Variants in BLTP3A observed in about 807,000 individuals in gnomAD.
BLTP3A encodes the protein bridge-like lipid transfer protein family member 3A, also known as ICBP90 binding protein 1.
At chr6:34,809,942 A>G in the BLTP3A span, among the ~76,000 whole-genome samples, 1 of 152,208 alleles carries the variant, frequency 6.6e-6, no homozygotes, top group Non-Finnish European at 1.5e-5. Context: ...TATATGTATT[A>G]TATATTGTAT....
chr6:34,859,399 G>A, the BLTP3A span: 1 of 1,614,164 alleles, frequency 6.2e-7, no homozygotes. Context: ...GAAGAACATT[G>A]AGGGAGAATT....
At chr6:34,871,902 A>T in the BLTP3A span, 12 of 1,614,204 alleles carry the variant, frequency 7.4e-6, no homozygotes, top group Non-Finnish European at 9.3e-6. Context: ...TTTGGTGCCC[A>T]CAGGAGAGGT....
the BLTP3A span, chr6:34,823,239 C>A: frequency 6.2e-7 from 1 of 1,605,436 alleles, no homozygotes; most frequent in Middle Eastern, 1.6e-4. Flanking sequence ...GCTTAGTTCT[C>A]CTTGACTTCT....
chr6:34,803,977 A>G, the BLTP3A span, among the ~76,000 whole-genome samples: 1 of 152,112 alleles, frequency 6.6e-6, no homozygotes, highest in Non-Finnish European at 1.5e-5. Context: ...GCAGTTGAGG[A>G]ACACATTTCA....
At chr6:34,807,973 G>A in the BLTP3A span, among the ~76,000 whole-genome samples, 1 of 152,132 alleles carries the variant, frequency 6.6e-6, no homozygotes, top group Non-Finnish European at 1.5e-5. Context: ...CCGGGAGGCA[G>A]TGGTTGCAGT....
the BLTP3A span, among the ~76,000 whole-genome samples, chr6:34,819,961 T>C: frequency 6.6e-6 from 1 of 152,236 alleles, no homozygotes; most frequent in Admixed American, 6.5e-5. Flanking sequence ...AATTAGCAAC[T>C]GGACCCAGTG....
the BLTP3A span, among the ~76,000 whole-genome samples, chr6:34,827,832 A>G: frequency 1.3e-5 from 2 of 152,038 alleles, no homozygotes; most frequent in African/African-American, 2.4e-5. Context: ...GGGTTTCACC[A>G]TGTTGCCCAG....
the BLTP3A span, among the ~76,000 whole-genome samples, chr6:34,839,086 A>C: frequency 6.6e-6 from 1 of 152,176 alleles, no homozygotes; most frequent in African/African-American, 2.4e-5. Context: ...CCCCGTCTCT[A>C]CTAAAAACAC....
At chr6:34,862,466 A>G in the BLTP3A span, among the ~76,000 whole-genome samples, 1 of 152,196 alleles carries the variant, frequency 6.6e-6, no homozygotes, top group Non-Finnish European at 1.5e-5. Flanking sequence ...TTGTTGATGC[A>G]TTTGCCAAAC....
the BLTP3A span, among the ~76,000 whole-genome samples, chr6:34,802,984 T>C: frequency 1.3e-5 from 2 of 152,010 alleles, no homozygotes; most frequent in African/African-American, 4.8e-5. Context: ...CAGGCCACCC[T>C]GGGCAACATG....
At chr6:34,818,059 C>T in the BLTP3A span, among the ~76,000 whole-genome samples, 306 of 152,152 alleles carry the variant, frequency 2.0e-3, 1 homozygote, top group African/African-American at 6.7e-3. Flanking sequence ...GGGGTTTCAC[C>T]GTGTTAGCCA....
the BLTP3A span, among the ~76,000 whole-genome samples, chr6:34,840,391 T>TA: frequency 0.28 from 35,173 of 123,436 alleles, 5,507 homozygotes; most frequent in African/African-American, 0.43. Context: ...CGTCTCTACT[T>TA]AAAAAAAAAA....
At chr6:34,855,181 A>G in the BLTP3A span, among the ~76,000 whole-genome samples, 30 of 152,332 alleles carry the variant, frequency 2.0e-4, no homozygotes, top group East Asian at 5.8e-3. Flanking sequence ...CTCTGAGGCC[A>G]GGATATGAAA....
At chr6:34,859,510 A>G in the BLTP3A span, 1 of 1,614,156 alleles carries the variant, frequency 6.2e-7, no homozygotes, top group East Asian at 2.2e-5. Context: ...GGATGCCTTC[A>G]GTTTGGGCAG....
chr6:34,869,387 C>T, the BLTP3A span, among the ~76,000 whole-genome samples: 1 of 152,124 alleles, frequency 6.6e-6, no homozygotes, highest in Non-Finnish European at 1.5e-5. Flanking sequence ...CTGTCCCTCA[C>T]CTGTCATAGG....
At chr6:34,822,948 A>ATATTCCTGGAATATTC in the BLTP3A span, among the ~76,000 whole-genome samples, 1 of 152,054 alleles carries the variant, frequency 6.6e-6, no homozygotes, top group African/African-American at 2.4e-5. Flanking sequence ...TATCCCAAAA[A>ATATTCCTGGAATATTC]CTGGAATCCC....
At chr6:34,829,333 A>T in the BLTP3A span, among the ~76,000 whole-genome samples, 6 of 152,212 alleles carry the variant, frequency 3.9e-5, no homozygotes, top group Admixed American at 3.3e-4. Context: ...TATAAATGAA[A>T]TCATACACTG....
At chr6:34,858,088 G>A in the BLTP3A span, 2 of 1,596,018 alleles carry the variant, frequency 1.3e-6, no homozygotes, top group Non-Finnish European at 1.7e-6. Flanking sequence ...ATACTCAGAT[G>A]ACCATTCTGA....
chr6:34,795,333 CT>C, the BLTP3A span, among the ~76,000 whole-genome samples: 2 of 152,106 alleles, frequency 1.3e-5, no homozygotes, highest in Non-Finnish European at 2.9e-5. Flanking sequence ...CTGCCTCAGC[CT>C]CCCAAAGTGC....
Sources: gnomAD v4.1 joint callset for allele counts (sites outside exome capture counted in the v4.1 genomes callset) on GRCh38, gnomAD v4.1.1 for gene constraint, MANE v1.5 for transcripts, NCBI Gene and HGNC (gene_info 2026-07-23, HGNC 2026-07-21) for gene names.